Variants in PITPNM3 observed in about 807,000 individuals in gnomAD.
PITPNM3 encodes the protein PITPNM family member 3.
In PITPNM3, 26 loss-of-function variants were observed where a neutral mutation model predicts 102.0. The ratio of observed to expected loss-of-function variants is 0.25; its 90% CI spans 0.19 to 0.35. The LOEUF is 0.35. PITPNM3 is among the 10% of genes least tolerant of loss of function. PITPNM3 has a pLI of 1.00. For synonymous variants in PITPNM3, 578 were observed against 558.6 expected (o/e 1.03, Z -0.49); for missense variants, 1,083 against 1,346.1 (o/e 0.80, Z 3.06).
intron 17 of PITPNM3, among the ~76,000 whole-genome samples, chr17:6,461,842 C>G (rs549656058): frequency 7.1e-6 from 1 of 141,158 alleles, no homozygotes; most frequent in East Asian, 2.0e-4. Flanking sequence ...TTTCATTCTT[C>G]CCTGTTCCCT....
intron 6 of PITPNM3, 135 bp downstream of exon 6, chr17:6,483,381 GT>G: frequency 1.1e-6 from 1 of 873,944 alleles, no homozygotes; most frequent in Non-Finnish European, 1.9e-6. Context: ...GGATGCTTGT[GT>G]TTCGTCACGA....
At chr17:6,501,262 A>G (rs966893006) in intron 4 of PITPNM3, among the ~76,000 whole-genome samples, 1 of 152,034 alleles carries the variant, frequency 6.6e-6, no homozygotes, top group African/African-American at 2.4e-5. Context: ...ATGGGGTGAC[A>G]CCCCTATATT....
At chr17:6,552,631 T>TACCC (rs1910372822) in intron 1 of PITPNM3, among the ~76,000 whole-genome samples, 2 of 152,166 alleles carry the variant, frequency 1.3e-5, no homozygotes, top group African/African-American at 4.8e-5. Flanking sequence ...GGGCACTTCC[T>TACCC]ACCCACCTTC....
intron 5 of PITPNM3, 90 bp downstream of exon 5, chr17:6,484,126 G>A: frequency 1.4e-6 from 2 of 1,389,522 alleles, no homozygotes; most frequent in South Asian, 1.2e-5. Flanking sequence ...CGAAGAGCTG[G>A]AAGAAAACGA....
At chr17:6,551,734 A>T (rs976909781) in intron 1 of PITPNM3, among the ~76,000 whole-genome samples, 3 of 151,736 alleles carry the variant, frequency 2.0e-5, no homozygotes, top group African/African-American at 7.3e-5. Context: ...GTATTAAAAA[A>T]ATTTTTTTTT....
At chr17:6,529,211 G>GT (rs1909005689) in intron 2 of PITPNM3, among the ~76,000 whole-genome samples, 1 of 152,108 alleles carries the variant, frequency 6.6e-6, no homozygotes, top group South Asian at 2.1e-4. Context: ...CTCTACTCCT[G>GT]TAAGCACAAC....
chr17:6,515,414 A>G (rs1212782928), intron 3 of PITPNM3, among the ~76,000 whole-genome samples: 1 of 151,170 alleles, frequency 6.6e-6, no homozygotes, highest in Non-Finnish European at 1.5e-5. Flanking sequence ...AAAAAAAAAA[A>G]AAGAAAGAAA....
In PITPNM3 at chr17:6,483,651, T is replaced by C. The variant is rs1362630423; in HGVS notation, c.453A>G (p.Ala151=). 5 of 1,612,962 alleles carry C rather than the reference T, an allele frequency of 3.1e-6. No individual in the cohort carries two copies. In the Admixed American group the frequency reaches 5.0e-5, roughly 16 times the overall value. ...DTGAGDPSCK[A]ADIHTFSSVL... The stretch of plus-strand genomic sequence containing the variant: ...CGGAGCTGAAGGTGTGGATGTCGGC[T>C]GCCTTGCAGGACGGGTCCCCGGCAC... Residue 151 remains alanine (A), a synonymous_variant, in exon 6 of 20, where the codon GCA becomes GCG. Transcript: ENST00000262483.
At chr17:6,497,339 G>A (rs911035572) in intron 4 of PITPNM3, among the ~76,000 whole-genome samples, 2 of 152,170 alleles carry the variant, frequency 1.3e-5, no homozygotes, top group Non-Finnish European at 2.9e-5. Context: ...AGTGGGGTGC[G>A]AAGTCAAACC....
At chr17:6,543,358 A>G (rs755719288) in intron 1 of PITPNM3, among the ~76,000 whole-genome samples, 1 of 152,194 alleles carries the variant, frequency 6.6e-6, no homozygotes, top group Non-Finnish European at 1.5e-5. Flanking sequence ...GGACAGAGAG[A>G]CAGACAGGCA....
chr17:6,536,814 G>A (rs371772549), intron 2 of PITPNM3, among the ~76,000 whole-genome samples: 4 of 152,308 alleles, frequency 2.6e-5, no homozygotes, highest in East Asian at 3.9e-4. Flanking sequence ...CTCCGTCTCA[G>A]GAGTAAGTCA....
At chr17:6,523,200 G>A (rs957702797) in intron 3 of PITPNM3, among the ~76,000 whole-genome samples, 1 of 152,196 alleles carries the variant, frequency 6.6e-6, no homozygotes, top group African/African-American at 2.4e-5. Context: ...GCTGCCACTT[G>A]TGCAACATTG....
intron 2 of PITPNM3, among the ~76,000 whole-genome samples, chr17:6,531,923 T>C (rs1909167980): frequency 6.6e-6 from 1 of 152,038 alleles, no homozygotes. Context: ...GCCAGCATGG[T>C]GAAACCCCAT....
chr17:6,510,342 C>T (rs369571303), intron 3 of PITPNM3, among the ~76,000 whole-genome samples: 5 of 152,304 alleles, frequency 3.3e-5, no homozygotes, highest in East Asian at 1.9e-4. Flanking sequence ...CTTCCCACAC[C>T]TCCCTCCGTA....
Position 6,483,887 on chromosome 17 carries a change from AGCAG to A in PITPNM3, c.352-139_352-136del, listed in dbSNP as rs779046346. On this transcript the variant is annotated intron_variant, in intron 5 of 19. Coordinates refer to ENST00000262483, the MANE Select transcript of PITPNM3 (RefSeq NM_031220.4). ...CACACGGGGAGACTGAGGCCAGAGA[AGCAG>A]GCACTATGTCCAGCCTGTCTCAGCT... 1.1e-5 allele frequency: 9 copies of A among 819,670 alleles called. No homozygotes were observed. The East Asian group carries it at 1.3e-4, about 12-fold the overall frequency. The allele number at this position is 819,670 out of a possible 1,614,324, so 50.8% of individuals were successfully genotyped here. A position where few individuals can be genotyped will look rare whatever the true frequency, so the allele number is the denominator to read the frequency against.
At position 6,478,809 on chromosome 17, in the gene PITPNM3, C is replaced by A. The variant is rs1905484855; in HGVS notation, c.588-73G>T. ...GGCAGGTTTGGGGCTGAGGATCAGG[C>A]AGAAGAGAGCACATACTGGCCAGGA... On this transcript the variant is annotated intron_variant, in intron 6 of 19. Transcript: ENST00000262483. The surrounding 1 kb of genome is among the most constrained non-coding windows in gnomAD (Gnocchi z 4.4). The A allele has an allele frequency of 2.8e-6, 4 of 1,426,278 alleles. No homozygotes were observed. The highest frequency in any genetic ancestry group is 3.8e-6 in the Non-Finnish European group (4 of 1,062,686). 88.4% of individuals were successfully genotyped at this position (1,426,278 alleles called of 1,614,324 possible).
At chr17:6,529,286 C>T (rs16955918) in intron 2 of PITPNM3, among the ~76,000 whole-genome samples, 11,326 of 152,196 alleles carry the variant, frequency 0.074, 540 homozygotes, top group African/African-American at 0.13. Flanking sequence ...GTTGACAGGA[C>T]TCCAGAGTAA....
At chr17:6,464,001 G>A (rs548467051) in intron 16 of PITPNM3, 120 bp from the exon 17 acceptor site, 1 of 1,540,912 alleles carries the variant, frequency 6.5e-7, no homozygotes, top group African/African-American at 1.4e-5. Flanking sequence ...GAGCACCTGG[G>A]TGGCATCTCC....
intron 1 of PITPNM3, among the ~76,000 whole-genome samples, chr17:6,553,017 G>A (rs919137733): frequency 1.3e-5 from 2 of 150,936 alleles, no homozygotes; most frequent in Non-Finnish European, 3.0e-5. Context: ...TGATCTGCCC[G>A]CCTCGGCGTC....
Sources: allele counts gnomAD v4.1 joint callset (sites outside exome capture counted in the v4.1 genomes callset), GRCh38; gene constraint gnomAD v4.1.1; non-coding constraint Gnocchi (gnomAD v3.1); transcripts MANE v1.5; gene names NCBI Gene and HGNC (gene_info 2026-07-23, HGNC 2026-07-21).